Variants in PTPRM observed in about 807,000 individuals in gnomAD.
PTPRM encodes the protein protein tyrosine phosphatase receptor type M.
Under a neutral mutation model 186.7 loss-of-function variants are expected in PTPRM, and 47 were observed. The observed-to-expected ratio is 0.25, with a 90% confidence interval of 0.20 to 0.32. The LOEUF is 0.32. Among genes scored for constraint, PTPRM ranks in the 10% least tolerant of loss-of-function variants. PTPRM has a pLI of 1.00. For missense variants in PTPRM, 1,494 were observed against 1,865.0 expected, an observed-to-expected ratio of 0.80 and a Z score of 3.66; for synonymous variants, 668 against 674.9, an observed-to-expected ratio of 0.99 and a Z score of 0.16.
At chr18:7,705,431 C>T (rs943817079) in intron 1 of PTPRM, among the ~76,000 whole-genome samples, 8 of 151,638 alleles carry the variant, frequency 5.3e-5, no homozygotes, top group African/African-American at 1.7e-4. Flanking sequence ...GGTGGTTGTA[C>T]TTAGGTGTTA....
At chr18:8,346,344 T>C (rs685144) in intron 23 of PTPRM, among the ~76,000 whole-genome samples, 82,167 of 152,158 alleles carry the variant, frequency 0.54, 22,429 homozygotes, top group East Asian at 0.75. Flanking sequence ...GGCAGGATTC[T>C]GCTTCTGGTG....
intron 13 of PTPRM, among the ~76,000 whole-genome samples, chr18:8,115,039 TAAG>T (rs1264930772): frequency 1.3e-5 from 2 of 151,712 alleles, no homozygotes; most frequent in Non-Finnish European, 2.9e-5. Context: ...CTTTTTAAAA[TAAG>T]AAGCTATATT....
intron 14 of PTPRM, among the ~76,000 whole-genome samples, chr18:8,191,743 G>T (rs1297773924): frequency 6.6e-6 from 1 of 152,138 alleles, no homozygotes; most frequent in African/African-American, 2.4e-5. Flanking sequence ...GAGCTGCACA[G>T]GAGACTCCTC....
At chr18:8,272,046 T>C (rs967503790) in intron 19 of PTPRM, among the ~76,000 whole-genome samples, 1 of 151,926 alleles carries the variant, frequency 6.6e-6, no homozygotes, top group African/African-American at 2.4e-5. Context: ...ACCCCATCTC[T>C]ACTAAAAATA....
intron 22 of PTPRM, among the ~76,000 whole-genome samples, chr18:8,334,140 A>C (rs2095426183): frequency 6.6e-6 from 1 of 152,140 alleles, no homozygotes; most frequent in South Asian, 2.1e-4. Flanking sequence ...AGCATCCAGC[A>C]CCTGCCTGGC....
chr18:8,197,988 T>C (rs1334688993), intron 14 of PTPRM, among the ~76,000 whole-genome samples: 2 of 152,144 alleles, frequency 1.3e-5, no homozygotes, highest in African/African-American at 4.8e-5. Context: ...CTGAGTCTGA[T>C]GGGTAGAAAC....
chr18:7,577,616 C>A (rs2036722184), intron 1 of PTPRM, among the ~76,000 whole-genome samples: 2 of 152,200 alleles, frequency 1.3e-5, no homozygotes, highest in South Asian at 4.1e-4. Context: ...ATCATACTCT[C>A]AAGTGATAAA....
intron 13 of PTPRM, among the ~76,000 whole-genome samples, chr18:8,118,093 A>G (rs2092024639): frequency 6.6e-6 from 1 of 152,212 alleles, no homozygotes; most frequent in Admixed American, 6.5e-5. Context: ...GTACACTAAA[A>G]AATCCAAATG....
intron 10 of PTPRM, among the ~76,000 whole-genome samples, chr18:8,086,420 A>G (rs1217072024): frequency 6.6e-6 from 1 of 152,176 alleles, no homozygotes; most frequent in African/African-American, 2.4e-5. Flanking sequence ...AAATATTTCT[A>G]GGCATGTTCA....
chr18:7,664,790 C>T (rs1287445380), intron 1 of PTPRM, among the ~76,000 whole-genome samples: 1 of 152,108 alleles, frequency 6.6e-6, no homozygotes, highest in Non-Finnish European at 1.5e-5. Context: ...ATACAGATGT[C>T]TGGATATATT....
At chr18:7,806,217 A>C (rs2044226933) in intron 2 of PTPRM, among the ~76,000 whole-genome samples, 1 of 152,198 alleles carries the variant, frequency 6.6e-6, no homozygotes, top group Non-Finnish European at 1.5e-5. Flanking sequence ...TCAGGAACTA[A>C]TGTCAAATTT....
chr18:8,130,428 T>A (rs556447478), intron 13 of PTPRM, among the ~76,000 whole-genome samples: 3 of 152,280 alleles, frequency 2.0e-5, no homozygotes, highest in Non-Finnish European at 4.4e-5. Context: ...TGATAAATAA[T>A]GCAAAAACGT....
chr18:7,852,999 C>T (rs2046939192), intron 2 of PTPRM, among the ~76,000 whole-genome samples: 2 of 152,188 alleles, frequency 1.3e-5, no homozygotes, highest in Admixed American at 1.3e-4. Context: ...AAACTTTACA[C>T]TGATAAGAGG....
intron 5 of PTPRM, among the ~76,000 whole-genome samples, chr18:7,948,880 G>C (rs1303425457): frequency 6.6e-6 from 1 of 152,142 alleles, no homozygotes; most frequent in Non-Finnish European, 1.5e-5. Context: ...TGAAAACAAG[G>C]TAACAAGTTT....
intron 24 of PTPRM, among the ~76,000 whole-genome samples, chr18:8,373,149 A>G (rs1029360923): frequency 2.0e-5 from 3 of 152,230 alleles, no homozygotes; most frequent in Non-Finnish European, 4.4e-5. Context: ...TCTTTAAGGA[A>G]AACAAATCAT....
intron 7 of PTPRM, among the ~76,000 whole-genome samples, chr18:7,999,129 C>T (rs375389849): frequency 1.1e-4 from 16 of 152,120 alleles, no homozygotes; most frequent in Admixed American, 2.6e-4. Context: ...GACGCCTTTC[C>T]GCTGCAGAGT....
intron 14 of PTPRM, chr18:8,155,025 G>C (rs2093090762): frequency 6.6e-6 from 1 of 152,102 alleles, no homozygotes; most frequent in Admixed American, 6.6e-5. Flanking sequence ...TTAAGAAAAG[G>C]TGTGAGATAA....
chr18:7,833,225 A>G (rs1440575754), intron 2 of PTPRM, among the ~76,000 whole-genome samples: 1 of 152,126 alleles, frequency 6.6e-6, no homozygotes, highest in Non-Finnish European at 1.5e-5. Flanking sequence ...CATTTTAACA[A>G]TATTGATTCT....
intron 1 of PTPRM, among the ~76,000 whole-genome samples, chr18:7,735,096 A>G (rs979727281): frequency 2.0e-5 from 3 of 152,160 alleles, no homozygotes; most frequent in African/African-American, 7.2e-5. Flanking sequence ...TTTGGAGTTT[A>G]GATACAACTG....
Sources: allele counts gnomAD v4.1 joint callset (sites outside exome capture counted in the v4.1 genomes callset), GRCh38; gene constraint gnomAD v4.1.1; transcripts MANE v1.5; gene names NCBI Gene and HGNC (gene_info 2026-07-23, HGNC 2026-07-21).